Variants in NEDD4L observed in about 807,000 individuals in gnomAD.
NEDD4L encodes NEDD4 like E3 ubiquitin protein ligase, also known as E3 ubiquitin-protein ligase NEDD4-like.
Under a neutral mutation model 148.9 loss-of-function variants are expected in NEDD4L, and 54 were observed. That is an observed-to-expected ratio of 0.36 (90% CI 0.29 to 0.45). The LOEUF (loss-of-function observed/expected upper bound fraction) is 0.45, where lower values mean the gene tolerates loss of function less well. Among genes scored for constraint, NEDD4L ranks in the 20% least tolerant of loss-of-function variants. The pLI is 1.00. For synonymous variants in NEDD4L, 433 were observed against 440.7 expected, an observed-to-expected ratio of 0.98 and a Z score of 0.22; for missense variants, 856 against 1,233.8, an observed-to-expected ratio of 0.69 and a Z score of 4.59.
intron 1 of NEDD4L, among the ~76,000 whole-genome samples, chr18:58,051,964 A>G (rs2081892081): frequency 6.6e-6 from 1 of 152,176 alleles, no homozygotes; most frequent in Non-Finnish European, 1.5e-5. Flanking sequence ...TTTTCAGACT[A>G]TAGGTGGCAA....
intron 5 of NEDD4L, among the ~76,000 whole-genome samples, chr18:58,289,434 C>T (rs2054390724): frequency 6.6e-6 from 1 of 152,202 alleles, no homozygotes; most frequent in Non-Finnish European, 1.5e-5. Flanking sequence ...AGCGGAGAAC[C>T]AGTGAACCAA....
chr18:58,118,116 G>A (rs553511104), intron 1 of NEDD4L, among the ~76,000 whole-genome samples: 12 of 152,288 alleles, frequency 7.9e-5, no homozygotes, highest in Admixed American at 6.5e-4. Flanking sequence ...TCAGAAGTTC[G>A]GCTGGCATTG....
intron 2 of NEDD4L, among the ~76,000 whole-genome samples, chr18:58,199,484 C>T (rs894997781): frequency 1.6e-4 from 25 of 152,138 alleles, no homozygotes; most frequent in East Asian, 3.9e-4. Flanking sequence ...TGACCGTATA[C>T]GAAATGCTGT....
intron 2 of NEDD4L, among the ~76,000 whole-genome samples, chr18:58,175,992 T>C (rs982624243): frequency 2.0e-5 from 3 of 152,248 alleles, no homozygotes; most frequent in Non-Finnish European, 4.4e-5. Context: ...GGAGGCTTGC[T>C]GTGCAATATA....
At chr18:58,080,945 G>GA (rs2083398078) in intron 1 of NEDD4L, among the ~76,000 whole-genome samples, 1 of 152,040 alleles carries the variant, frequency 6.6e-6, no homozygotes, top group Admixed American at 6.6e-5. Context: ...GTAGAGGGCT[G>GA]GGGGGTATGA....
chr18:58,300,724 T>C (rs773858470), intron 5 of NEDD4L, among the ~76,000 whole-genome samples: 30 of 152,202 alleles, frequency 2.0e-4, no homozygotes, highest in Non-Finnish European at 4.0e-4. Flanking sequence ...AATTCCAGTA[T>C]ATGCTGGGCT....
At chr18:58,208,675 T>G (rs1198313564) in intron 2 of NEDD4L, among the ~76,000 whole-genome samples, 2 of 152,174 alleles carry the variant, frequency 1.3e-5, no homozygotes, top group Non-Finnish European at 2.9e-5. Flanking sequence ...TCAGCATTGG[T>G]TTTTGAGAAT....
intron 1 of NEDD4L, among the ~76,000 whole-genome samples, chr18:58,060,883 C>T (rs191814056): frequency 8.5e-5 from 13 of 152,200 alleles, no homozygotes; most frequent in Non-Finnish European, 1.8e-4. Context: ...CTCAGCCTCA[C>T]GAGTAGCTGG....
intron 1 of NEDD4L, among the ~76,000 whole-genome samples, chr18:58,107,634 A>G (rs1199442455): frequency 2.6e-5 from 4 of 151,956 alleles, no homozygotes; most frequent in Admixed American, 6.6e-5. Flanking sequence ...TGGGAGGATC[A>G]CTGGAGCCTG....
chr18:58,355,153 A>G (rs2044432628), intron 18 of NEDD4L, among the ~76,000 whole-genome samples: 1 of 152,078 alleles, frequency 6.6e-6, no homozygotes, highest in South Asian at 2.1e-4. Context: ...GAGCTGTAGA[A>G]GATGTCTTGA....
At position 58,370,455 on chromosome 18, in the gene NEDD4L, C is replaced by T; in HGVS notation, c.2244C>T (p.Asp748=). 6.2e-7 allele frequency: 1 copy of T among 1,607,606 alleles called. No homozygotes were observed. Among genetic ancestry groups the T allele is most frequent in the Non-Finnish European group, 8.5e-7 (1 of 1,174,042 alleles). ...MMLGKQITLN[D]MESVDSEYYN... ...TGGGAAAGCAGATAACCCTGAATGA[C>T]ATGGAATCTGTGGTAAGTAAATGCA... The change falls in exon 23 of 31, where the codon GAC becomes GAT. Residue 748 remains aspartate (D), a synonymous_variant. Transcript: ENST00000400345.
At position 58,129,697 on chromosome 18, in the gene NEDD4L, C is replaced by T. The variant is rs117687776; in HGVS notation, c.49-36091C>T. ...CAGTCATGGGTTTATCTTGTCCACA[C>T]GCGTGGCTTCATTGGGATTTGGTTG... On this transcript the variant is annotated intron_variant, in intron 1 of 30. Coordinates refer to ENST00000400345, the MANE Select transcript of NEDD4L (RefSeq NM_001144967.3). Among the ~76,000 whole-genome samples the T allele has an allele frequency of 2.1e-4, 32 of 152,338 alleles. No individual in the cohort carries two copies. In the East Asian group the frequency reaches 2.1e-3, roughly 10 times the overall value.
chr18:58,187,938 G>A (rs2039652928), intron 2 of NEDD4L, among the ~76,000 whole-genome samples: 1 of 152,172 alleles, frequency 6.6e-6, no homozygotes, highest in African/African-American at 2.4e-5. Context: ...ATGTGCTTGA[G>A]TCTCTGTTAT....
At chr18:58,287,514 C>T (rs1309463880) in intron 5 of NEDD4L, among the ~76,000 whole-genome samples, 2 of 152,042 alleles carry the variant, frequency 1.3e-5, no homozygotes, top group East Asian at 1.9e-4. Flanking sequence ...CTCTGGGCAA[C>T]GTGGAATTAG....
At chr18:58,364,439 A>G (rs1263144242) in intron 20 of NEDD4L, 106 bp downstream of exon 20, 2 of 666,050 alleles carry the variant, frequency 3.0e-6, no homozygotes, top group Admixed American at 6.2e-5. Flanking sequence ...GAATGCTAAA[A>G]ATATTACCTT....
At chr18:58,334,732 C>G (rs2041494288) in intron 12 of NEDD4L, among the ~76,000 whole-genome samples, 1 of 152,174 alleles carries the variant, frequency 6.6e-6, no homozygotes, top group Non-Finnish European at 1.5e-5. Flanking sequence ...TGTCTTCCCT[C>G]TCATGTATGT....
At chr18:58,148,492 G>T (rs1421338182) in intron 1 of NEDD4L, among the ~76,000 whole-genome samples, 1 of 152,200 alleles carries the variant, frequency 6.6e-6, no homozygotes. Flanking sequence ...CTGAAGGCCA[G>T]AAGCCAAGAT....
intron 3 of NEDD4L, among the ~76,000 whole-genome samples, 166 bp downstream of exon 3, chr18:58,245,674 C>CTTTTTTTTTT (rs57282316): frequency 6.7e-5 from 6 of 89,260 alleles, no homozygotes; most frequent in Non-Finnish European, 1.1e-4. Context: ...CACTTTTTCT[C>CTTTTTTTTTT]TTTTTTTTTT....
At chr18:58,210,693 T>A (rs1319186008) in intron 2 of NEDD4L, among the ~76,000 whole-genome samples, 1 of 152,162 alleles carries the variant, frequency 6.6e-6, no homozygotes, top group Non-Finnish European at 1.5e-5. Context: ...TGAGTGTTAT[T>A]TTTACTCTTC....
Sources: gnomAD v4.1 joint callset for allele counts (sites outside exome capture counted in the v4.1 genomes callset) on GRCh38, gnomAD v4.1.1 for gene constraint, MANE v1.5 for transcripts, NCBI Gene and HGNC (gene_info 2026-07-23, HGNC 2026-07-21) for gene names.